CEP131: variants seen among roughly 807,000 people sequenced by gnomAD.
The protein encoded by CEP131 is centrosomal protein 131, also known as centrosomal protein of 131 kDa.
CEP131 carries 99 observed loss-of-function variants against 136.8 expected under a neutral mutation model. The ratio of observed to expected loss-of-function variants is 0.72; its 90% CI spans 0.62 to 0.86. The LOEUF (loss-of-function observed/expected upper bound fraction) is 0.86. Among genes scored for constraint, CEP131 ranks in the 40% least tolerant of loss-of-function variants. The probability of loss-of-function intolerance (pLI) is 0.00; values close to 1 mark genes in which losing one functional copy is unlikely to be tolerated. For missense variants in CEP131, 1,459 were observed against 1,463.0 expected (o/e 1.00, Z 0.04); for synonymous variants, 646 against 612.7 (o/e 1.05, Z -0.80).
Position 81,197,728 on chromosome 17 carries a change from A to G in CEP131, c.1631T>C (p.Leu544Pro). 1 of 1,611,704 alleles carries G rather than the reference A, an allele frequency of 6.2e-7. No individual in the cohort carries two copies. The highest frequency in any genetic ancestry group is 1.1e-5 in the South Asian group (1 of 91,016). ...DEMEKSGQDQLDSQQEGWVPE... is the reference protein window; with the variant it reads ...DEMEKSGQDQPDSQQEGWVPE... Reference sequence around the variant, plus strand: ...AGGGGCCACCTCCTGCTGGGAGTCCAGCTGGTCCTGCCCAGACTTCTCCAT... The same window carrying G: ...AGGGGCCACCTCCTGCTGGGAGTCCGGCTGGTCCTGCCCAGACTTCTCCAT... The change falls in exon 13 of 26, where the codon CTG (leucine) becomes CCG (proline). Residue 544 changes from leucine to proline, a missense_variant. This residue lies in a region of CEP131 where 1,026 missense variants were observed against 964.2 expected (regional missense o/e 1.06). Transcript: ENST00000450824.
At position 81,206,684 on chromosome 17, in the gene CEP131, C is replaced by G. The variant is rs1044666151; in HGVS notation, c.515+60G>C. 1.8e-5 allele frequency: 28 copies of G among 1,541,978 alleles called. No homozygotes were observed. In the African/African-American group the frequency reaches 3.2e-4, roughly 17 times the overall value. On this transcript the variant is annotated intron_variant, in intron 5 of 25. Transcript: ENST00000450824. Reference sequence around the variant, plus strand: ...GCCATAAACAAGACAAAGACACACACAGTCTCCACTCCAGGAGCTTCCCAC... The same window carrying G: ...GCCATAAACAAGACAAAGACACACAGAGTCTCCACTCCAGGAGCTTCCCAC...
chr17:81,208,914 G>C lies in CEP131; in HGVS notation c.272+14C>G, dbSNP rs1296741518. 1 of 1,607,820 alleles carries C rather than the reference G, an allele frequency of 6.2e-7. No individual in the cohort carries two copies. The highest frequency in any genetic ancestry group is 8.5e-7 in the Non-Finnish European group (1 of 1,175,280). ...GGGAAGGGGCCAGGGTTATCCAAGG[G>C]CCTTAGGGGTTACCTGGGGGAGCCG... is the stretch of plus-strand genomic sequence containing the variant. On this transcript the variant is annotated intron_variant, in intron 3 of 25. Transcript: ENST00000450824. The surrounding 1 kb of genome is among the most constrained non-coding windows in gnomAD (Gnocchi z 5.6).
chr17:81,211,723 A>G (rs1035169899), intron 2 of CEP131, among the ~76,000 whole-genome samples: 32 of 152,146 alleles, frequency 2.1e-4, no homozygotes, highest in African/African-American at 7.5e-4. Context: ...ACTTGATCCC[A>G]GTAGTTCAAG....
intron 7 of CEP131, among the ~76,000 whole-genome samples, chr17:81,201,697 G>A (rs1026551911): frequency 2.0e-5 from 3 of 152,120 alleles, no homozygotes; most frequent in African/African-American, 4.8e-5. Flanking sequence ...GCCCCTGGAG[G>A]AGCCCTCTCT....
rs140949439 is a variant in CEP131 at position 81,217,028 on chromosome 17, C to T, written c.177+2852G>A. Among the ~76,000 whole-genome samples, 19 of 152,366 alleles carry T rather than the reference C, an allele frequency of 1.2e-4. No individual in the cohort carries two copies. The East Asian group carries it at 3.3e-3, about 26-fold the overall frequency. ...TCCACCTGCAAGAAGGAGGCAACATCGCCCAGGGAGGGGCAGGTGGCCCCC... is the reference window on the plus strand; with the variant it reads ...TCCACCTGCAAGAAGGAGGCAACATTGCCCAGGGAGGGGCAGGTGGCCCCC... On this transcript the variant is annotated intron_variant, in intron 2 of 25. Coordinates refer to ENST00000450824, the MANE Select transcript of CEP131 (RefSeq NM_014984.4).
chr17:81,193,844 TG>T, intron 18 of CEP131, 81 bp downstream of exon 18: 1 of 1,440,732 alleles, frequency 6.9e-7, no homozygotes, highest in Admixed American at 2.2e-5. Flanking sequence ...CACCTCTACA[TG>T]GGAACTCCAC....
At chr17:81,194,507 C>CCCTGCCT (rs1300885234) in intron 17 of CEP131, among the ~76,000 whole-genome samples, 3 of 152,254 alleles carry the variant, frequency 2.0e-5, no homozygotes, top group Non-Finnish European at 4.4e-5. Flanking sequence ...GCCTGCCTGC[C>CCCTGCCT]CCTGCCTCCT....
chr17:81,217,470 C>A (rs994596966), intron 2 of CEP131, among the ~76,000 whole-genome samples: 34 of 151,914 alleles, frequency 2.2e-4, no homozygotes, highest in Non-Finnish European at 3.4e-4. Flanking sequence ...CATGCCTGGC[C>A]AAAACAAATG....
rs375070740 is a variant in CEP131, at chr17:81,194,007, C to A, written c.2240G>T (p.Arg747Leu). Residue 747 changes from arginine to leucine, a missense_variant, in exon 18 of 26, where the codon CGC becomes CTC. Physicochemically the swap from Arg to Leu is moderately radical, Grantham distance 102. This residue lies in a region of CEP131 where 1,026 missense variants were observed against 964.2 expected (regional missense o/e 1.06). Coordinates refer to ENST00000450824, the MANE Select transcript of CEP131 (RefSeq NM_014984.4). Reference sequence around the variant, plus strand: ...CTGCTCCCGCAGCTCCTCGGCCTGGCGCAGGCAGCGCTGCGAGGCCCGCTC... The same window carrying A: ...CTGCTCCCGCAGCTCCTCGGCCTGGAGCAGGCAGCGCTGCGAGGCCCGCTC... ...SDERASQRCL[R>L]QAEELREQLE... 1.3e-6 allele frequency: 2 copies of A among 1,557,866 alleles called. No individual in the cohort carries two copies. Among genetic ancestry groups the A allele is most frequent in the East Asian group, 2.3e-5 (1 of 42,822 alleles).
chr17:81,199,609 C>A (rs2061844737), intron 9 of CEP131, 60 bp from the exon 10 acceptor site: 1 of 1,590,142 alleles, frequency 6.3e-7, no homozygotes, highest in East Asian at 2.3e-5. Flanking sequence ...GGCTCCACAG[C>A]CAAGCTGCCC....
intron 19 of CEP131, 53 bp downstream of exon 19, chr17:81,192,683 G>GGGGGGGGGGGGGGGGGGGGGGGGGGGT: frequency 2.0e-6 from 1 of 507,786 alleles, no homozygotes; most frequent in Admixed American, 2.3e-5. Flanking sequence ...CGGGGGGGAG[G>GGGGGGGGGGGGGGGGGGGGGGGGGGGT]GGTCAGCCAG....
chr17:81,199,944 C>G, intron 8 of CEP131, 109 bp from the exon 9 acceptor site: 1 of 1,104,604 alleles, frequency 9.1e-7, no homozygotes, highest in East Asian at 2.4e-5. Context: ...TTCGTGGAAT[C>G]TCAGGGCCAG....
At chr17:81,207,570 G>A (rs1187029629) in intron 3 of CEP131, among the ~76,000 whole-genome samples, 2 of 150,910 alleles carry the variant, frequency 1.3e-5, no homozygotes, top group Admixed American at 6.6e-5. Flanking sequence ...GGCTGGTCTC[G>A]AGCTCCTGGG....
At chr17:81,191,491 C>T (rs2061641664) in intron 21 of CEP131, 156 bp from the exon 22 acceptor site, 1 of 678,844 alleles carries the variant, frequency 1.5e-6, no homozygotes, top group African/African-American at 1.8e-5. Flanking sequence ...TGCGCTACGT[C>T]CTGTTGTCAG....
At position 81,196,690 on chromosome 17, in the gene CEP131, G is replaced by C. The variant is rs371644625; in HGVS notation, c.1899+11C>G. 30 of 1,599,892 alleles carry C rather than the reference G, an allele frequency of 1.9e-5. No homozygotes were observed. Among genetic ancestry groups the C allele is most frequent in the Non-Finnish European group, 2.4e-5 (28 of 1,177,488 alleles). ...CTGGGTCCGGGCCTCTGCGCTCCCC[G>C]GGCCGCTCACCTGGTCAATGAAGGC... On this transcript the variant is annotated intron_variant, in intron 15 of 25. Transcript: ENST00000450824.
intron 21 of CEP131, 116 bp from the exon 22 acceptor site, chr17:81,191,451 C>T (rs2061640247): frequency 1.1e-6 from 1 of 950,584 alleles, no homozygotes; most frequent in Non-Finnish European, 1.6e-6. Context: ...AGCAAGGGGC[C>T]TTCCCCCTCT....
At chr17:81,214,941 T>A (rs2062213936) in intron 2 of CEP131, among the ~76,000 whole-genome samples, 1 of 149,036 alleles carries the variant, frequency 6.7e-6, no homozygotes, top group Non-Finnish European at 1.5e-5. Flanking sequence ...CCCGGCTAAT[T>A]TTTTTTTTTG....
chr17:81,219,333 C>T lies in CEP131; in HGVS notation c.177+547G>A, dbSNP rs184386412. 1.4e-4 allele frequency among the ~76,000 whole-genome samples: 19 copies of T among 137,732 alleles called. No individual in the cohort carries two copies. The highest frequency in any genetic ancestry group is 4.5e-4 in the South Asian group (2 of 4,468). 90.4% of individuals were successfully genotyped at this position (137,732 alleles called of 152,430 possible). A position where few individuals can be genotyped will look rare whatever the true frequency, so the allele number is the denominator to read the frequency against. On this transcript the variant is annotated intron_variant, in intron 2 of 25. Coordinates refer to ENST00000450824, the MANE Select transcript of CEP131 (RefSeq NM_014984.4). The surrounding 1 kb of genome is among the most constrained non-coding windows in gnomAD (Gnocchi z 4.0). ...TTTTTGAGATGGCATCTCACTCTGT[C>T]GCCAGGCTGGAGTGCAACGGCACGA...
At chr17:81,191,152 G>A in intron 22 of CEP131, 41 bp downstream of exon 22, 1 of 1,608,456 alleles carries the variant, frequency 6.2e-7, no homozygotes, top group Non-Finnish European at 8.5e-7. Context: ...CTCAGCTCGT[G>A]GGCCTCCCCA....
Sources: allele counts gnomAD v4.1 joint callset (sites outside exome capture counted in the v4.1 genomes callset), GRCh38; gene constraint gnomAD v4.1.1; regional missense constraint gnomAD v4.1.1; non-coding constraint Gnocchi (gnomAD v3.1); transcripts MANE v1.5; gene names NCBI Gene and HGNC (gene_info 2026-07-23, HGNC 2026-07-21).